ASXL3: variants seen among roughly 807,000 people sequenced by gnomAD.
The protein encoded by ASXL3 is ASXL transcriptional regulator 3, also known as putative Polycomb group protein ASXL3.
A neutral mutation model predicts 170.6 loss-of-function variants in ASXL3; 34 were observed. That is an observed-to-expected ratio of 0.20 (90% confidence interval 0.15 to 0.27). The LOEUF (loss-of-function observed/expected upper bound fraction) is 0.27, where lower values mean the gene tolerates loss of function less well. Ranked by LOEUF, ASXL3 falls within the 10% of genes least tolerant of loss-of-function variation. ASXL3 has a pLI of 1.00. For missense variants in ASXL3, 2,592 were observed against 2,695.3 expected (o/e 0.96, Z 0.85); for synonymous variants, 1,002 against 989.1 (o/e 1.01, Z -0.24).
At chr18:33,679,994 C>CT (rs1330975426) in intron 7 of ASXL3, among the ~76,000 whole-genome samples, 1 of 151,774 alleles carries the variant, frequency 6.6e-6, no homozygotes, top group Non-Finnish European at 1.5e-5. Context: ...CGAATGTCTG[C>CT]TTTTTTCTTC....
intron 2 of ASXL3, among the ~76,000 whole-genome samples, chr18:33,629,522 A>T (rs2065647258): frequency 6.6e-6 from 1 of 152,070 alleles, no homozygotes; most frequent in African/African-American, 2.4e-5. Context: ...ATCAGTTGCC[A>T]TTTAGTTAGT....
At chr18:33,689,382 A>G (rs75063587) in intron 8 of ASXL3, among the ~76,000 whole-genome samples, 9 of 152,350 alleles carry the variant, frequency 5.9e-5, no homozygotes, top group African/African-American at 2.2e-4. Flanking sequence ...AGTGATGATT[A>G]TCATGTAATT....
At chr18:33,578,875 G>T (rs2064969319) in intron 1 of ASXL3, 190 bp downstream of exon 1, 1 of 234,962 alleles carries the variant, frequency 4.3e-6, no homozygotes, top group Non-Finnish European at 7.7e-6. Context: ...CGCGCGCGGA[G>T]GGGCGCAGCG....
intron 2 of ASXL3, among the ~76,000 whole-genome samples, chr18:33,641,252 T>A (rs1193708957): frequency 2.6e-5 from 4 of 152,102 alleles, no homozygotes; most frequent in African/African-American, 4.8e-5. Context: ...GCACTGGGGC[T>A]CTGTAAAGCA....
At chr18:33,667,896 A>C (rs2066283835) in intron 5 of ASXL3, among the ~76,000 whole-genome samples, 1 of 152,246 alleles carries the variant, frequency 6.6e-6, no homozygotes, top group Admixed American at 6.5e-5. Flanking sequence ...TAAGGTCTCA[A>C]AAATGCATTG....
At chr18:33,727,168 T>C (rs2067366427) in intron 8 of ASXL3, among the ~76,000 whole-genome samples, 1 of 152,118 alleles carries the variant, frequency 6.6e-6, no homozygotes, top group Non-Finnish European at 1.5e-5. Context: ...TCTAGATTGC[T>C]TAGTATTTCT....
chr18:33,650,581 G>C (rs947957947), intron 4 of ASXL3, among the ~76,000 whole-genome samples: 1 of 152,106 alleles, frequency 6.6e-6, no homozygotes, highest in Admixed American at 6.5e-5. Context: ...TAGTAGCTGA[G>C]AAAGGGTGAC....
At chr18:33,595,726 A>T (rs575849573) in intron 1 of ASXL3, among the ~76,000 whole-genome samples, 1 of 152,248 alleles carries the variant, frequency 6.6e-6, no homozygotes, top group Non-Finnish European at 1.5e-5. Flanking sequence ...CTCTCCTCAC[A>T]TAGTATCATT....
chr18:33,668,478 AG>A (rs1329143282), intron 5 of ASXL3, among the ~76,000 whole-genome samples: 68 of 151,942 alleles, frequency 4.5e-4, no homozygotes, highest in Admixed American at 1.0e-3. Context: ...GTAGGCATTT[AG>A]TTTTGTTTGC....
At chr18:33,662,183 A>G (rs777747338) in intron 5 of ASXL3, among the ~76,000 whole-genome samples, 1 of 152,184 alleles carries the variant, frequency 6.6e-6, no homozygotes, top group Non-Finnish European at 1.5e-5. Context: ...TATATCTGGA[A>G]TATTCATTTA....
At chr18:33,742,774 G>T in intron 11 of ASXL3, 114 bp from the exon 12 acceptor site, 2 of 1,392,838 alleles carry the variant, frequency 1.4e-6, no homozygotes. Flanking sequence ...TGTAGTTCAT[G>T]GCATATTAGG....
chr18:33,670,384 T>C (rs1218013933), intron 5 of ASXL3, among the ~76,000 whole-genome samples: 1 of 152,224 alleles, frequency 6.6e-6, no homozygotes, highest in Non-Finnish European at 1.5e-5. Context: ...TTCCATGGAC[T>C]CTCAAGCCAC....
intron 1 of ASXL3, among the ~76,000 whole-genome samples, chr18:33,595,938 A>G (rs1294620842): frequency 1.3e-5 from 2 of 152,196 alleles, no homozygotes; most frequent in Non-Finnish European, 2.9e-5. Context: ...TTCCATTCAA[A>G]TCAAAATGAG....
At chr18:33,598,280 T>C (rs1418155296) in intron 1 of ASXL3, among the ~76,000 whole-genome samples, 1 of 152,174 alleles carries the variant, frequency 6.6e-6, no homozygotes, top group African/African-American at 2.4e-5. Flanking sequence ...CTACTTTAAT[T>C]ATTTCATCTA....
intron 1 of ASXL3, among the ~76,000 whole-genome samples, chr18:33,606,102 C>A (rs532173302): frequency 6.6e-6 from 1 of 151,958 alleles, no homozygotes; most frequent in Non-Finnish European, 1.5e-5. Context: ...TCTACTCTTT[C>A]CTTCTTTACA....
chr18:33,580,338 T>C (rs1236477464), intron 1 of ASXL3, among the ~76,000 whole-genome samples: 1 of 152,228 alleles, frequency 6.6e-6, no homozygotes, highest in Non-Finnish European at 1.5e-5. Flanking sequence ...GTACATTACT[T>C]ATTGTTTGCT....
rs376654969 is a variant in ASXL3, at chr18:33,601,785, G to GTTTATATATATATATATATA, written c.55-5808_55-5807insTTATATATATATATATATAT. On this transcript the variant is annotated intron_variant, in intron 1 of 11. Transcript: ENST00000269197. ...TGAGAATTTAAGTAAATATCTGATT[G>GTTTATATATATATATATATA]TATATATATAGTTTGTTTGTTTTGA... Among the ~76,000 whole-genome samples, 15 of 103,952 alleles carry GTTTATATATATATATATATA rather than the reference G, an allele frequency of 1.4e-4. 1 individual carries two copies. Among genetic ancestry groups the GTTTATATATATATATATATA allele is most frequent in the African/African-American group, 3.8e-4 (11 of 28,860 alleles). The allele number at this position is 103,952 out of a possible 152,430, so 68.2% of individuals were successfully genotyped here.
chr18:33,696,753 A>T (rs2066779675), intron 8 of ASXL3, among the ~76,000 whole-genome samples: 1 of 152,104 alleles, frequency 6.6e-6, no homozygotes, highest in Non-Finnish European at 1.5e-5. Context: ...ATTGCAGAAA[A>T]TGTTTCCAGG....
intron 5 of ASXL3, among the ~76,000 whole-genome samples, chr18:33,662,905 A>G (rs377607707): frequency 3.9e-5 from 6 of 152,300 alleles, no homozygotes; most frequent in African/African-American, 1.2e-4. Context: ...ATCTCTACCT[A>G]TCTTCTCCTG....
Sources: allele counts gnomAD v4.1 joint callset (sites outside exome capture counted in the v4.1 genomes callset), GRCh38; gene constraint gnomAD v4.1.1; transcripts MANE v1.5; gene names NCBI Gene and HGNC (gene_info 2026-07-23, HGNC 2026-07-21).